Variants in MAFK observed in about 807,000 individuals in gnomAD.
MAFK encodes transcription factor MafK.
In MAFK, 1 loss-of-function variant was observed where a neutral mutation model predicts 9.2. The ratio of observed to expected loss-of-function variants is 0.11; its 90% CI spans 0.04 to 0.52. The LOEUF (loss-of-function observed/expected upper bound fraction) is 0.52. Ranked by LOEUF, MAFK falls within the 20% of genes least tolerant of loss-of-function variation. The pLI, the probability that MAFK is intolerant of heterozygous loss-of-function variation, is 0.94. For missense variants in MAFK, 207 were observed against 236.0 expected (o/e 0.88, Z 0.81); for synonymous variants, 110 against 107.4 (o/e 1.02, Z -0.15).
rs759611172 is a variant in MAFK at position 1,540,197 on chromosome 7, G to T, written c.293G>T (p.Ser98Ile). 2.5e-6 allele frequency: 4 copies of T among 1,588,482 alleles called. No homozygotes were observed. The highest frequency in any genetic ancestry group is 3.4e-6 in the Non-Finnish European group (4 of 1,168,478). Residue 98 changes from serine (S) to isoleucine (I), a missense_variant, in exon 3 of 3, where the codon AGC becomes ATC. Ser to Ile is a moderately radical substitution (Grantham distance 142). Coordinates refer to ENST00000343242, the MANE Select transcript of MAFK (RefSeq NM_002360.4). ...GTGGAGAAGCTGGCGCGTGAGAACAGCAGCATGCGGCTGGAGCTGGACGCC... is the reference window on the plus strand; with the variant it reads ...GTGGAGAAGCTGGCGCGTGAGAACATCAGCATGCGGCTGGAGCTGGACGCC... ...QEVEKLAREN[S>I]SMRLELDALR...
chr7:1,536,203 G>A (rs1023128523), intron 1 of MAFK, among the ~76,000 whole-genome samples: 4 of 149,420 alleles, frequency 2.7e-5, no homozygotes, highest in Admixed American at 6.6e-5. Context: ...ACTCAGACCC[G>A]CCCACCCAGG....
Position 1,540,295 on chromosome 7 carries a change from G to A in MAFK, c.391G>A (p.Val131Met), listed in dbSNP as rs1278753984. ...VARGPVAPSKVATTSVITIVK... is the reference protein window; with the variant it reads ...VARGPVAPSKMATTSVITIVK... ...CCGGGGACCTGTGGCGCCCTCCAAG[G>A]TGGCCACCACCAGCGTCATCACCAT... Residue 131 changes from valine (V) to methionine (M), a missense_variant, in exon 3 of 3, where the codon GTG becomes ATG. Val to Met is a conservative substitution (Grantham distance 21). Transcript: ENST00000343242. The A allele has an allele frequency of 6.2e-7, 1 of 1,611,688 alleles. No homozygotes were observed. The highest frequency in any genetic ancestry group is 1.7e-5 in the Admixed American group (1 of 59,946).
At chr7:1,535,809 C>G (rs559908312) in intron 1 of MAFK, among the ~76,000 whole-genome samples, 1 of 152,376 alleles carries the variant, frequency 6.6e-6, no homozygotes, top group African/African-American at 2.4e-5. Context: ...TGCAAGGTGC[C>G]TTCCTGGGCG....
chr7:1,539,085 G>A, intron 1 of MAFK, 64 bp from the exon 2 acceptor site: 7 of 1,295,452 alleles, frequency 5.4e-6, no homozygotes, highest in Non-Finnish European at 7.8e-6. Flanking sequence ...TGGGAGGTGG[G>A]CACCCTGTCC....
intron 1 of MAFK, 174 bp from the exon 2 acceptor site, chr7:1,538,975 C>T (rs980884388): frequency 5.0e-6 from 3 of 598,206 alleles, no homozygotes; most frequent in South Asian, 2.0e-5. Context: ...GATGCCTCAC[C>T]CCCTGGGAAG....
intron 1 of MAFK, among the ~76,000 whole-genome samples, chr7:1,533,749 A>G (rs1007738609): frequency 6.6e-6 from 1 of 150,926 alleles, no homozygotes; most frequent in African/African-American, 2.4e-5. Flanking sequence ...GATGAGGAAA[A>G]GAGAGAGGGG....
chr7:1,540,126 G>A lies in MAFK; in HGVS notation c.222G>A (p.Thr74=), dbSNP rs762459830. The A allele has an allele frequency of 2.3e-5, 36 of 1,574,424 alleles. No homozygotes were observed. Among genetic ancestry groups the A allele is most frequent in the Admixed American group, 3.7e-5 (2 of 53,886 alleles). Reference sequence around the variant, plus strand: ...CCAGCTGCCGCATCAAGCGGGTGACGCAGAAGGAGGAGCTGGAGCGGCAGC... The same window carrying A: ...CCAGCTGCCGCATCAAGCGGGTGACACAGAAGGAGGAGCTGGAGCGGCAGC... ...YAASCRIKRV[T]QKEELERQRV... The change falls in exon 3 of 3, where the codon ACG becomes ACA. Residue 74 remains threonine (T), a synonymous_variant. Transcript: ENST00000343242.
chr7:1,535,899 G>C (rs10239386), intron 1 of MAFK, among the ~76,000 whole-genome samples: 1 of 152,208 alleles, frequency 6.6e-6, no homozygotes. Context: ...TCCTGGCTCC[G>C]TCACTCATCC....
At chr7:1,536,521 T>A (rs889982873) in intron 1 of MAFK, among the ~76,000 whole-genome samples, 2 of 152,086 alleles carry the variant, frequency 1.3e-5, no homozygotes, top group African/African-American at 2.4e-5. Context: ...TGGGAGCGCT[T>A]TCTACATGTG....
chr7:1,533,438 G>C (rs1783949279), intron 1 of MAFK, among the ~76,000 whole-genome samples: 1 of 152,216 alleles, frequency 6.6e-6, no homozygotes, highest in African/African-American at 2.4e-5. Context: ...TTGCCTACGC[G>C]AGGAGGAGAG....
Position 1,534,096 on chromosome 7 carries a change from G to A in MAFK, c.-45+3198G>A, listed in dbSNP as rs901186603. 1.3e-5 allele frequency: 5 copies of A among 388,246 alleles called. No homozygotes were observed. The highest frequency in any genetic ancestry group is 1.0e-4 in the African/African-American group (5 of 48,236). 24.1% of individuals were successfully genotyped at this position (388,246 alleles called of 1,614,324 possible). A position where few individuals can be genotyped will look rare whatever the true frequency, so the allele number is the denominator to read the frequency against. Reference sequence around the variant, plus strand: ...CAAGCCGGGCCGACAGTCATGGCTTGCTGGAGGGCAGCCAGCCAGGGCCAG... The same window carrying A: ...CAAGCCGGGCCGACAGTCATGGCTTACTGGAGGGCAGCCAGCCAGGGCCAG... On this transcript the variant is annotated intron_variant, in intron 1 of 2. Coordinates refer to ENST00000343242, the MANE Select transcript of MAFK (RefSeq NM_002360.4). The surrounding 1 kb of genome is among the most constrained non-coding windows in gnomAD (Gnocchi z 4.3).
rs996387620 is a variant in MAFK at position 1,532,904 on chromosome 7, C to T, written c.-45+2006C>T. Reference sequence around the variant, plus strand: ...GCTGAGAGAGGGCTCCGTGTGGCCGCCTTTCAACAGTAAACAGTGACTCAC... The same window carrying T: ...GCTGAGAGAGGGCTCCGTGTGGCCGTCTTTCAACAGTAAACAGTGACTCAC... On this transcript the variant is annotated intron_variant, in intron 1 of 2. Coordinates refer to ENST00000343242, the MANE Select transcript of MAFK (RefSeq NM_002360.4). This position sits in a 1 kb window ranked among gnomAD's most constrained non-coding sequence, Gnocchi z 4.5. Among the ~76,000 whole-genome samples the T allele has an allele frequency of 2.0e-5, 3 of 152,154 alleles. No individual in the cohort carries two copies. Among genetic ancestry groups the T allele is most frequent in the Non-Finnish European group, 4.4e-5 (3 of 68,038 alleles).
At position 1,532,707 on chromosome 7, in the gene MAFK, C is replaced by T. The variant is rs1276047811; in HGVS notation, c.-45+1809C>T. Among the ~76,000 whole-genome samples, 2 of 152,214 alleles carry T rather than the reference C, an allele frequency of 1.3e-5. No individual in the cohort carries two copies. Among genetic ancestry groups the T allele is most frequent in the Non-Finnish European group, 2.9e-5 (2 of 68,046 alleles). On this transcript the variant is annotated intron_variant, in intron 1 of 2. Coordinates refer to ENST00000343242, the MANE Select transcript of MAFK (RefSeq NM_002360.4). The surrounding 1 kb of genome is among the most constrained non-coding windows in gnomAD (Gnocchi z 4.5). ...TCTACAAGGCGTGTGCTTTCACCCA[C>T]GGGGCTCAGCGATGGCTGCGTTTGT...
rs542065611 is a variant in MAFK at position 1,536,677 on chromosome 7, A to G, written c.-44-2472A>G. 4.6e-5 allele frequency among the ~76,000 whole-genome samples: 7 copies of G among 152,394 alleles called. No individual in the cohort carries two copies. In the South Asian group the frequency reaches 6.2e-4, roughly 14 times the overall value. ...AATGTCCTTCCAAAAGCAAGCTGTC[A>G]TCTTTCTTGCCTCTGATGTTTAAAG... On this transcript the variant is annotated intron_variant, in intron 1 of 2. Coordinates refer to ENST00000343242, the MANE Select transcript of MAFK (RefSeq NM_002360.4).
chr7:1,539,182 G>A lies in MAFK; in HGVS notation c.-11G>A, dbSNP rs993869456. The A allele has an allele frequency of 1.2e-6, 2 of 1,612,738 alleles. No individual in the cohort carries two copies. The highest frequency in any genetic ancestry group is 8.5e-7 in the Non-Finnish European group (1 of 1,179,480). On this transcript the variant is annotated 5_prime_UTR_variant, in exon 2 of 3. In the 5' UTR this introduces an upstream ATG that the reference lacks. Transcript: ENST00000343242. ...TCCAGGGAGCTCTGTCCTGGTGACCGTGCCCGGGTTATGACGACTAATCCC... is the reference window on the plus strand; with the variant it reads ...TCCAGGGAGCTCTGTCCTGGTGACCATGCCCGGGTTATGACGACTAATCCC...
At position 1,542,472 on chromosome 7, in the gene MAFK, G is replaced by A. The variant is rs1347979791; in HGVS notation, c.*2097G>A. 2.6e-5 allele frequency: 4 copies of A among 152,374 alleles called. No individual in the cohort carries two copies. Among genetic ancestry groups the A allele is most frequent in the African/African-American group, 9.6e-5 (4 of 41,456 alleles). 9.4% of individuals were successfully genotyped at this position (152,374 alleles called of 1,614,324 possible). On this transcript the variant is annotated 3_prime_UTR_variant, in exon 3 of 3. Coordinates refer to ENST00000343242, the MANE Select transcript of MAFK (RefSeq NM_002360.4). ...CGGGTGGCCGGTTCTGTCCCGTCTT[G>A]GGGTTCTTGGTGTCCACGTCTTGTG...
rs544731121 is a variant in MAFK at position 1,531,220 on chromosome 7, GTCGGCGGCGCGCA to G, written c.-45+327_-45+339del. ...CCTGGGAGGACGAGGATCCACGCGG[GTCGGCGGCGCGCA>G]TCGGGCCCGCGCCTTCACACCTGCG... On this transcript the variant is annotated intron_variant, in intron 1 of 2. Transcript: ENST00000343242. Among the ~76,000 whole-genome samples the G allele has an allele frequency of 4.8e-4, 72 of 150,072 alleles. No homozygotes were observed. The South Asian group carries it at 0.012, about 25-fold the overall frequency.
In MAFK at chr7:1,534,213, G is replaced by C. The variant is rs1177564662; in HGVS notation, c.-45+3315G>C. The C allele has an allele frequency of 2.2e-6, 1 of 455,022 alleles. No individual in the cohort carries two copies. Among genetic ancestry groups the C allele is most frequent in the South Asian group, 1.5e-5 (1 of 64,522 alleles). The allele number at this position is 455,022 out of a possible 1,614,324, so 28.2% of individuals were successfully genotyped here. On this transcript the variant is annotated intron_variant, in intron 1 of 2. Coordinates refer to ENST00000343242, the MANE Select transcript of MAFK (RefSeq NM_002360.4). This position sits in a 1 kb window ranked among gnomAD's most constrained non-coding sequence, Gnocchi z 4.3. ...CTGTGTCCGGGACAGCCGGACAGTG[G>C]GGGCCCTCGCAGTGTAGGACCTCAT...
intron 1 of MAFK, among the ~76,000 whole-genome samples, chr7:1,531,161 G>T (rs1349741027): frequency 6.7e-6 from 1 of 149,282 alleles, no homozygotes; most frequent in Non-Finnish European, 1.5e-5. Context: ...GGCCATGCTT[G>T]CCGCGCCGGG....
Sources: gnomAD v4.1 joint callset for allele counts (sites outside exome capture counted in the v4.1 genomes callset) on GRCh38, gnomAD v4.1.1 for gene constraint, Gnocchi (gnomAD v3.1) non-coding constraint, MANE v1.5 for transcripts, NCBI Gene and HGNC (gene_info 2026-07-23, HGNC 2026-07-21) for gene names.